The following VWA8 variants were observed in gnomAD, a reference collection of about 807,000 sequenced individuals.
VWA8 encodes the protein von Willebrand factor A domain containing 8.
Under a neutral mutation model 241.5 loss-of-function variants are expected in VWA8, and 221 were observed. The ratio of observed to expected loss-of-function variants is 0.91; its 90% CI spans 0.82 to 1.02. The LOEUF (loss-of-function observed/expected upper bound fraction) is 1.02. VWA8 is among the 50% of genes least tolerant of loss of function. The pLI is 0.00. For missense variants in VWA8, 2,322 were observed against 2,328.7 expected (o/e 1.00, Z 0.06); for synonymous variants, 852 against 827.1 (o/e 1.03, Z -0.52).
chr13:41,623,698 T>A (rs187630630), intron 37 of VWA8, among the ~76,000 whole-genome samples: 1 of 152,316 alleles, frequency 6.6e-6, no homozygotes, highest in African/African-American at 2.4e-5. Flanking sequence ...CCTATGTATG[T>A]GTGTGGTGCA....
rs1031458864 is a variant in VWA8 at position 41,819,402 on chromosome 13, A to C, written c.1701-16T>G. The C allele has an allele frequency of 6.3e-7, 1 of 1,587,158 alleles. No individual in the cohort carries two copies. Among genetic ancestry groups the C allele is most frequent in the Non-Finnish European group, 8.5e-7 (1 of 1,173,586 alleles). ...AAAAATGGATCTAAAATAGGAAAAA[A>C]AATGAAAAAAAATAACATATCTTTC... On this transcript the variant is annotated splice_polypyrimidine_tract_variant and intron_variant, in intron 14 of 44. Transcript: ENST00000379310.
intron 20 of VWA8, among the ~76,000 whole-genome samples, chr13:41,773,233 G>C (rs1237569339): frequency 6.6e-6 from 1 of 152,198 alleles, no homozygotes; most frequent in East Asian, 1.9e-4. Flanking sequence ...AGAGCTGAGA[G>C]TCAATTGTCC....
At chr13:41,639,915 C>T (rs1365936265) in intron 37 of VWA8, among the ~76,000 whole-genome samples, 4 of 152,192 alleles carry the variant, frequency 2.6e-5, no homozygotes, top group Non-Finnish European at 5.9e-5. Flanking sequence ...TGCACATGTA[C>T]TCCTGGAACC....
chr13:41,902,852 T>C (rs1407812548), intron 4 of VWA8, among the ~76,000 whole-genome samples: 2 of 152,140 alleles, frequency 1.3e-5, no homozygotes, highest in African/African-American at 4.8e-5. Flanking sequence ...AGCTGATATG[T>C]CAATTCGTAA....
intron 37 of VWA8, among the ~76,000 whole-genome samples, chr13:41,628,088 A>G (rs1427689712): frequency 6.6e-6 from 1 of 152,108 alleles, no homozygotes; most frequent in East Asian, 1.9e-4. Context: ...AACTCACAAA[A>G]TCTCTGTAAC....
chr13:41,922,295 A>G (rs1027135035), intron 2 of VWA8, among the ~76,000 whole-genome samples: 1 of 152,260 alleles, frequency 6.6e-6, no homozygotes, highest in Non-Finnish European at 1.5e-5. Context: ...AAGATGGATT[A>G]AAGGCTTAAA....
chr13:41,794,095 T>G (rs191654833), intron 17 of VWA8, among the ~76,000 whole-genome samples: 49 of 152,184 alleles, frequency 3.2e-4, no homozygotes, highest in Admixed American at 2.7e-3. Flanking sequence ...CTTTTTTTTT[T>G]CTTAAGATTG....
intron 17 of VWA8, among the ~76,000 whole-genome samples, chr13:41,793,585 G>A (rs1319992130): frequency 6.6e-6 from 1 of 152,122 alleles, no homozygotes; most frequent in African/African-American, 2.4e-5. Context: ...AGGACAAGGC[G>A]GGTGGATCAC....
chr13:41,938,427 C>T (rs1451741270), intron 2 of VWA8, among the ~76,000 whole-genome samples: 1 of 151,884 alleles, frequency 6.6e-6, no homozygotes, highest in Non-Finnish European at 1.5e-5. Context: ...CCAAGGCAGG[C>T]AGATCATGAG....
intron 8 of VWA8, among the ~76,000 whole-genome samples, 157 bp from the exon 9 acceptor site, chr13:41,883,648 C>T (rs1874373235): frequency 6.6e-6 from 1 of 152,120 alleles, no homozygotes; most frequent in Non-Finnish European, 1.5e-5. Flanking sequence ...TCATTATTTT[C>T]TCTTCTCATT....
intron 21 of VWA8, among the ~76,000 whole-genome samples, chr13:41,734,508 C>A (rs1255205960): frequency 1.3e-5 from 2 of 152,302 alleles, no homozygotes; most frequent in East Asian, 3.9e-4. Flanking sequence ...CGTACCTTCC[C>A]CATCAGAGTC....
At position 41,670,942 on chromosome 13, in the gene VWA8, G is replaced by T; in HGVS notation, c.4611+4C>A. The T allele has an allele frequency of 6.2e-7, 1 of 1,613,252 alleles. No individual in the cohort carries two copies. Among genetic ancestry groups the T allele is most frequent in the East Asian group, 2.2e-5 (1 of 44,870 alleles). On this transcript the variant is annotated splice_donor_region_variant and intron_variant, in intron 37 of 44. Coordinates refer to ENST00000379310, the MANE Select transcript of VWA8 (RefSeq NM_015058.2). ...CTAAGAGATAAGGTGAATTCAAATG[G>T]TACCTGCATATTTCTGTCATCTTGT...
At chr13:41,734,876 C>A (rs2045513123) in intron 21 of VWA8, among the ~76,000 whole-genome samples, 1 of 152,152 alleles carries the variant, frequency 6.6e-6, no homozygotes, top group Non-Finnish European at 1.5e-5. Flanking sequence ...GTGAAAAATA[C>A]ATTGTGGCAA....
chr13:41,685,195 T>C lies in VWA8; in HGVS notation c.4179A>G (p.Lys1393=). 6.2e-7 allele frequency: 1 copy of C among 1,613,320 alleles called. No individual in the cohort carries two copies. Among genetic ancestry groups the C allele is most frequent in the Non-Finnish European group, 8.5e-7 (1 of 1,179,656 alleles). ...AGAATGATGTATCAGTGCCACTTCG[T>C]TTATGCAAAGATGATGGTCTCTTCC... The part of the protein sequence containing the change: ...YSWKRPSSLH[K]RSGTDTSFYR... Residue 1393 remains lysine, a synonymous_variant, in exon 35 of 45, where the codon AAA becomes AAG. Transcript: ENST00000379310.
chr13:41,595,612 C>T (rs2044482920), intron 40 of VWA8, among the ~76,000 whole-genome samples: 1 of 152,120 alleles, frequency 6.6e-6, no homozygotes, highest in South Asian at 2.1e-4. Flanking sequence ...TGAAATCATA[C>T]AATATATACT....
At chr13:41,732,485 A>AAAAT (rs1555327532) in intron 21 of VWA8, among the ~76,000 whole-genome samples, 1 of 148,808 alleles carries the variant, frequency 6.7e-6, no homozygotes. Context: ...GAAACTAAAA[A>AAAAT]ATATATATAT....
chr13:41,581,329 C>T (rs1036859825), intron 42 of VWA8, among the ~76,000 whole-genome samples: 1 of 152,132 alleles, frequency 6.6e-6, no homozygotes. Flanking sequence ...ATCAGAGGGT[C>T]AATGGCACCT....
chr13:41,654,600 G>A (rs1372665564), intron 37 of VWA8, among the ~76,000 whole-genome samples: 1 of 152,238 alleles, frequency 6.6e-6, no homozygotes, highest in East Asian at 1.9e-4. Context: ...CTGCTGGCGA[G>A]CTGCTGGTCT....
chr13:41,805,881 C>T (rs889084189), intron 17 of VWA8, among the ~76,000 whole-genome samples: 4 of 151,742 alleles, frequency 2.6e-5, no homozygotes, highest in South Asian at 4.2e-4. Flanking sequence ...ACTGACCTGC[C>T]GGTATTTACA....
Sources: gnomAD v4.1 joint callset for allele counts (sites outside exome capture counted in the v4.1 genomes callset) on GRCh38, gnomAD v4.1.1 for gene constraint, MANE v1.5 for transcripts, NCBI Gene and HGNC (gene_info 2026-07-23, HGNC 2026-07-21) for gene names.